CADPS: variants seen among roughly 807,000 people sequenced by gnomAD.
CADPS encodes the protein calcium-dependent secretion activator 1.
CADPS carries 57 observed loss-of-function variants against 167.3 expected under a neutral mutation model. The observed-to-expected ratio is 0.34, with a 90% CI of 0.28 to 0.42. The LOEUF (loss-of-function observed/expected upper bound fraction) is 0.42. Ranked by LOEUF, CADPS falls within the 20% of genes least tolerant of loss-of-function variation. CADPS has a pLI of 1.00. For missense variants in CADPS, 1,414 were observed against 1,738.1 expected, an observed-to-expected ratio of 0.81 and a Z score of 3.32; for synonymous variants, 676 against 635.3, an observed-to-expected ratio of 1.06 and a Z score of -0.96.
intron 6 of CADPS, among the ~76,000 whole-genome samples, chr3:62,628,799 G>T (rs746022407): frequency 6.6e-6 from 1 of 151,788 alleles, no homozygotes; most frequent in Non-Finnish European, 1.5e-5. Flanking sequence ...GCCAATTTTC[G>T]TATTTTTAGT....
intron 6 of CADPS, among the ~76,000 whole-genome samples, chr3:62,628,662 C>T (rs933164796): frequency 2.0e-5 from 3 of 149,388 alleles, no homozygotes; most frequent in African/African-American, 7.4e-5. Flanking sequence ...GAGTCTCGCT[C>T]TGTCACCAGG....
At chr3:62,567,864 T>G (rs144087789) in intron 9 of CADPS, among the ~76,000 whole-genome samples, 27 of 152,246 alleles carry the variant, frequency 1.8e-4, no homozygotes, top group Non-Finnish European at 3.8e-4. Context: ...CGTCAGCCAC[T>G]GCTCCTGGAC....
In CADPS at chr3:62,399,468, C is replaced by T. The variant is rs1487780014; in HGVS notation, c.4000G>A (p.Gly1334Ser). 6.2e-7 allele frequency: 1 copy of T among 1,614,076 alleles called. No individual in the cohort carries two copies. The highest frequency in any genetic ancestry group is 1.3e-5 in the African/African-American group (1 of 74,938). ...ATGCTGATGCCCTGCAGTCCCCCAC[C>T]TTCACTCACTGATGCTGTGGCTTCC... The part of the protein sequence containing the change: ...VEEATASVSE[G>S]GGLQGISMKD... The change falls in exon 30 of 30, where the codon GGT (glycine) becomes AGT (serine). Residue 1334 changes from glycine (G) to serine (S), a missense_variant. By Grantham distance (56) the Gly-to-Ser change is moderately conservative. Around this residue, in one of 6 missense-constraint regions of CADPS, gnomAD observed 185 missense variants for 251.5 expected, o/e 0.74. Transcript: ENST00000383710. This position sits in a 1 kb window ranked among gnomAD's most constrained non-coding sequence, Gnocchi z 5.6.
chr3:62,624,795 G>C (rs2063755401), intron 6 of CADPS, among the ~76,000 whole-genome samples: 1 of 152,020 alleles, frequency 6.6e-6, no homozygotes, highest in Non-Finnish European at 1.5e-5. Flanking sequence ...GGGGTGTGTA[G>C]ATCAGGGTTA....
intron 3 of CADPS, among the ~76,000 whole-genome samples, chr3:62,697,726 G>C (rs1193171487): frequency 1.3e-5 from 2 of 152,078 alleles, no homozygotes; most frequent in East Asian, 1.9e-4. Context: ...CCTACCAGTA[G>C]TGTAGAAGTC....
chr3:62,438,345 A>G lies in CADPS; in HGVS notation c.3670-134T>C, dbSNP rs143080820. ...GCTGGATCAGCTTTGTAGGCATGGG[A>G]TTGCTGTCCACAGCCTGGGCTGGTA... On this transcript the variant is annotated intron_variant, in intron 27 of 29. Coordinates refer to ENST00000383710, the MANE Select transcript of CADPS (RefSeq NM_003716.4). This position sits in a 1 kb window ranked among gnomAD's most constrained non-coding sequence, Gnocchi z 4.7. The G allele has an allele frequency of 1.6e-3, 1,022 of 645,286 alleles. 19 individuals are homozygous for G. In the East Asian group the frequency reaches 0.024, roughly 15 times the overall value. The allele number at this position is 645,286 out of a possible 1,614,324, so 40.0% of individuals were successfully genotyped here. A position where few individuals can be genotyped will look rare whatever the true frequency, so the allele number is the denominator to read the frequency against.
rs367720092 is a variant in CADPS, at chr3:62,557,529, A to G, written c.1645-16T>C. ...ACTGACTGACCTGTTAAGGAAAAGC[A>G]GATTGTGAGGTTGACCCCTGGAGCC... is the stretch of plus-strand genomic sequence containing the variant. On this transcript the variant is annotated splice_polypyrimidine_tract_variant and intron_variant, in intron 9 of 29. Coordinates refer to ENST00000383710, the MANE Select transcript of CADPS (RefSeq NM_003716.4). 6.3e-7 allele frequency: 1 copy of G among 1,597,080 alleles called. No individual in the cohort carries two copies. Among genetic ancestry groups the G allele is most frequent in the Non-Finnish European group, 8.6e-7 (1 of 1,164,550 alleles).
intron 1 of CADPS, among the ~76,000 whole-genome samples, chr3:62,866,340 CCTCTCTTTAGAAG>C (rs913019332): frequency 5.9e-5 from 9 of 151,936 alleles, no homozygotes; most frequent in Non-Finnish European, 1.3e-4. Context: ...TAGACTATTT[CCTCTCTTTAGAAG>C]CTCTCTAGGA....
intron 4 of CADPS, among the ~76,000 whole-genome samples, chr3:62,659,551 T>A (rs2072632202): frequency 6.6e-6 from 1 of 152,210 alleles, no homozygotes; most frequent in African/African-American, 2.4e-5. Flanking sequence ...TCTCTGTTTC[T>A]ATGTGTTGGC....
intron 1 of CADPS, among the ~76,000 whole-genome samples, chr3:62,793,664 T>C (rs1314255694): frequency 6.6e-6 from 1 of 152,208 alleles, no homozygotes; most frequent in Non-Finnish European, 1.5e-5. Context: ...TAATCTGTTT[T>C]TTAAGAGAGC....
intron 16 of CADPS, chr3:62,513,678 A>T (rs1192975413): frequency 3.8e-6 from 6 of 1,592,638 alleles, no homozygotes; most frequent in Non-Finnish European, 5.1e-6. Context: ...AGCAGAAGAC[A>T]GGATGCTCAT....
At chr3:62,688,992 C>A (rs35199798) in intron 3 of CADPS, among the ~76,000 whole-genome samples, 12,075 of 152,062 alleles carry the variant, frequency 0.079, 638 homozygotes, top group Non-Finnish European at 0.12. Flanking sequence ...ATCTTTCCAG[C>A]GTGTGAATAG....
intron 28 of CADPS, among the ~76,000 whole-genome samples, chr3:62,431,809 T>C (rs997297470): frequency 3.3e-5 from 5 of 151,650 alleles, no homozygotes; most frequent in African/African-American, 2.4e-5. Context: ...ATAGTGACCA[T>C]TAACTTTAAA....
chr3:62,470,387 C>T (rs1264738541), intron 24 of CADPS, among the ~76,000 whole-genome samples: 1 of 152,214 alleles, frequency 6.6e-6, no homozygotes, highest in Non-Finnish European at 1.5e-5. Context: ...ATTGGACTTT[C>T]ATCTATTCTT....
intron 6 of CADPS, among the ~76,000 whole-genome samples, chr3:62,630,363 T>C (rs2065048796): frequency 1.3e-5 from 2 of 152,128 alleles, no homozygotes; most frequent in South Asian, 4.1e-4. Context: ...TTCTTGGAAA[T>C]AGAGTCTCAC....
intron 3 of CADPS, among the ~76,000 whole-genome samples, chr3:62,682,233 T>C (rs2077257977): frequency 6.6e-6 from 1 of 152,058 alleles, no homozygotes; most frequent in Admixed American, 6.6e-5. Context: ...TCCACTTTTT[T>C]TGGAAATTAA....
chr3:62,454,714 C>G (rs1438906570), intron 26 of CADPS, among the ~76,000 whole-genome samples: 9 of 152,142 alleles, frequency 5.9e-5, no homozygotes, highest in Non-Finnish European at 1.2e-4. Context: ...CAGAGCTTCA[C>G]AGAGGGCCAT....
intron 1 of CADPS, among the ~76,000 whole-genome samples, chr3:62,821,314 G>A (rs1453271336): frequency 6.8e-6 from 1 of 147,864 alleles, no homozygotes; most frequent in East Asian, 1.9e-4. Context: ...CTCTGTGTTG[G>A]TTTTCTAGGC....
chr3:62,845,678 A>G (rs1260520303), intron 1 of CADPS, among the ~76,000 whole-genome samples: 1 of 152,076 alleles, frequency 6.6e-6, no homozygotes, highest in Non-Finnish European at 1.5e-5. Context: ...TAATCTATCA[A>G]TTTATCTTTC....
Sources: gnomAD v4.1 joint callset for allele counts (sites outside exome capture counted in the v4.1 genomes callset) on GRCh38, gnomAD v4.1.1 for gene constraint, gnomAD v4.1.1 regional missense constraint, Gnocchi (gnomAD v3.1) non-coding constraint, MANE v1.5 for transcripts, NCBI Gene and HGNC (gene_info 2026-07-23, HGNC 2026-07-21) for gene names.